The following OSBP2 variants were observed in gnomAD, a reference collection of about 807,000 sequenced individuals.
OSBP2 encodes oxysterol-binding protein 2.
In OSBP2, 66 loss-of-function variants were observed where a neutral mutation model predicts 96.0. That is an observed-to-expected ratio of 0.69 (90% CI 0.56 to 0.84). The LOEUF (loss-of-function observed/expected upper bound fraction) is 0.84, where lower values mean the gene tolerates loss of function less well. OSBP2 is among the 40% of genes least tolerant of loss of function. OSBP2 has a pLI of 0.00. For missense variants in OSBP2, 1,038 were observed against 1,222.7 expected (o/e 0.85, Z 2.25); for synonymous variants, 525 against 520.9 (o/e 1.01, Z -0.11).
At chr22:30,856,322 C>T (rs374969341) in intron 2 of OSBP2, among the ~76,000 whole-genome samples, 13 of 151,708 alleles carry the variant, frequency 8.6e-5, no homozygotes, top group Non-Finnish European at 1.5e-4. Flanking sequence ...ATGTTCTGCC[C>T]GAGCACCAGC....
intron 2 of OSBP2, among the ~76,000 whole-genome samples, chr22:30,846,989 A>T (rs928894228): frequency 9.2e-5 from 14 of 151,824 alleles, no homozygotes; most frequent in East Asian, 5.8e-4. Context: ...TTATTTATTT[A>T]TTTTTTGAGA....
chr22:30,740,972 T>G (rs932118446), intron 1 of OSBP2, among the ~76,000 whole-genome samples, 189 bp from the exon 2 acceptor site: 4 of 152,132 alleles, frequency 2.6e-5, no homozygotes, highest in Non-Finnish European at 5.9e-5. Flanking sequence ...AGAGCAGTCG[T>G]GGCCTTAGAG....
chr22:30,859,640 C>T (rs1314432167), intron 2 of OSBP2, among the ~76,000 whole-genome samples: 1 of 152,224 alleles, frequency 6.6e-6, no homozygotes, highest in Admixed American at 6.5e-5. Context: ...GCCCAAAGAG[C>T]TGGTGCCATG....
chr22:30,728,413 CA>C (rs1007120963), intron 1 of OSBP2, among the ~76,000 whole-genome samples: 7 of 137,874 alleles, frequency 5.1e-5, no homozygotes, highest in Non-Finnish European at 9.6e-5. Context: ...AAAAAAAATA[CA>C]AAAATTAGCT....
chr22:30,889,729 A>G, intron 7 of OSBP2, 93 bp downstream of exon 7: 1 of 1,179,156 alleles, frequency 8.5e-7, no homozygotes, highest in Non-Finnish European at 1.2e-6. Context: ...AAGTACACAC[A>G]GCCTTGGAGT....
intron 2 of OSBP2, among the ~76,000 whole-genome samples, chr22:30,804,338 AG>A (rs370836056): frequency 8.5e-5 from 13 of 152,228 alleles, no homozygotes; most frequent in African/African-American, 2.9e-4. Flanking sequence ...GAATCTCGAC[AG>A]GTTCATTGCT....
intron 2 of OSBP2, among the ~76,000 whole-genome samples, chr22:30,865,825 C>G (rs567496252): frequency 7.9e-5 from 12 of 152,230 alleles, no homozygotes; most frequent in African/African-American, 2.6e-4. Flanking sequence ...CACACTTACC[C>G]AAGGCCATGT....
At chr22:30,850,160 G>A (rs1258426646) in intron 2 of OSBP2, among the ~76,000 whole-genome samples, 2 of 151,990 alleles carry the variant, frequency 1.3e-5, no homozygotes, top group East Asian at 3.9e-4. Flanking sequence ...AAAAAAATTA[G>A]CCGGGCATGG....
intron 1 of OSBP2, among the ~76,000 whole-genome samples, chr22:30,706,711 CCTT>C (rs1300032137): frequency 6.6e-6 from 1 of 152,108 alleles, no homozygotes; most frequent in African/African-American, 2.4e-5. Flanking sequence ...CAGCCTTGAC[CCTT>C]CTTCTAACAA....
intron 2 of OSBP2, among the ~76,000 whole-genome samples, chr22:30,763,637 GA>G (rs136338): frequency 0.18 from 23,854 of 130,876 alleles, 2,023 homozygotes; most frequent in Non-Finnish European, 0.23. Context: ...CAGAGTGACA[GA>G]AAAAAAAAAA....
intron 2 of OSBP2, among the ~76,000 whole-genome samples, chr22:30,759,448 A>G (rs1445841581): frequency 6.6e-6 from 1 of 152,192 alleles, no homozygotes; most frequent in South Asian, 2.1e-4. Flanking sequence ...TATTTGATAG[A>G]CTGCTAAAAT....
rs1262681827 is a variant in OSBP2 at position 30,890,658 on chromosome 22, GAGAAAAGC to G, written c.1624-68_1624-61del. ...TGAGCAGGGATGTCCCTGAACATCC[GAGAAAAGC>G]AAGGGCACCATGCCAAGCCGGGGCT... On this transcript the variant is annotated intron_variant, in intron 7 of 13. Coordinates refer to ENST00000332585, the MANE Select transcript of OSBP2 (RefSeq NM_030758.4). The surrounding 1 kb of genome is among the most constrained non-coding windows in gnomAD (Gnocchi z 4.4). The G allele has an allele frequency of 8.9e-6, 14 of 1,574,084 alleles. No homozygotes were observed.
intron 1 of OSBP2, among the ~76,000 whole-genome samples, chr22:30,704,655 G>A (rs556973305): frequency 6.6e-5 from 10 of 151,962 alleles, no homozygotes; most frequent in African/African-American, 2.4e-4. Flanking sequence ...TAATAGAGAT[G>A]GAGTTTCACC....
intron 1 of OSBP2, among the ~76,000 whole-genome samples, chr22:30,715,559 T>G (rs1461182752): frequency 6.6e-6 from 1 of 151,156 alleles, no homozygotes; most frequent in Non-Finnish European, 1.5e-5. Flanking sequence ...TTAGATTTTT[T>G]TTTTTTTTTG....
intron 3 of OSBP2, chr22:30,872,612 G>A (rs1231326055): frequency 5.6e-6 from 2 of 354,106 alleles, no homozygotes; most frequent in Non-Finnish European, 1.1e-5. Context: ...AGTGACGGAA[G>A]CTGTGCCCTG....
chr22:30,841,187 T>G (rs1332302185), intron 2 of OSBP2, among the ~76,000 whole-genome samples: 3 of 151,878 alleles, frequency 2.0e-5, no homozygotes, highest in Non-Finnish European at 4.4e-5. Flanking sequence ...AAACAAAAAA[T>G]AAATAATAAA....
At chr22:30,820,547 C>T (rs892694152) in intron 2 of OSBP2, among the ~76,000 whole-genome samples, 1 of 152,182 alleles carries the variant, frequency 6.6e-6, no homozygotes, top group African/African-American at 2.4e-5. Flanking sequence ...TGAGTGTGGC[C>T]TCTGAGGTCA....
intron 2 of OSBP2, among the ~76,000 whole-genome samples, chr22:30,826,787 C>G (rs2038414512): frequency 6.6e-6 from 1 of 152,186 alleles, no homozygotes; most frequent in Non-Finnish European, 1.5e-5. Flanking sequence ...GGTGTTTTCT[C>G]TCTGGTTGGG....
chr22:30,795,261 T>C (rs527398043), intron 2 of OSBP2, among the ~76,000 whole-genome samples: 1 of 152,196 alleles, frequency 6.6e-6, no homozygotes, highest in Non-Finnish European at 1.5e-5. Flanking sequence ...TGTGTATAGG[T>C]AAGATTTTGT....
Sources: gnomAD v4.1 joint callset for allele counts (sites outside exome capture counted in the v4.1 genomes callset) on GRCh38, gnomAD v4.1.1 for gene constraint, Gnocchi (gnomAD v3.1) non-coding constraint, MANE v1.5 for transcripts, NCBI Gene and HGNC (gene_info 2026-07-23, HGNC 2026-07-21) for gene names.